FAT3: variants seen among roughly 807,000 people sequenced by gnomAD.
FAT3 encodes the protein FAT atypical cadherin 3, also known as protocadherin Fat 3.
Under a neutral mutation model 310.2 loss-of-function variants are expected in FAT3, and 95 were observed. The observed-to-expected ratio is 0.31, with a 90% CI of 0.26 to 0.36. FAT3 has a LOEUF of 0.36. Among genes scored for constraint, FAT3 ranks in the 10% least tolerant of loss-of-function variants. FAT3 has a pLI of 1.00. For synonymous variants in FAT3, 2,314 were observed against 2,192.9 expected, an observed-to-expected ratio of 1.06 and a Z score of -1.54; for missense variants, 5,408 against 5,715.6, an observed-to-expected ratio of 0.95 and a Z score of 1.74.
chr11:92,716,805 G>A (rs1271483670), intron 4 of FAT3, among the ~76,000 whole-genome samples: 2 of 152,196 alleles, frequency 1.3e-5, no homozygotes, highest in African/African-American at 4.8e-5. Context: ...AAAGGAGGGA[G>A]GTTTCCCTTT....
chr11:92,289,148 G>A (rs1203665174), intron 1 of FAT3, among the ~76,000 whole-genome samples: 1 of 152,098 alleles, frequency 6.6e-6, no homozygotes, highest in Non-Finnish European at 1.5e-5. Context: ...CAGGTGTTCT[G>A]TAAGTTATCT....
rs2135906968 is a variant in FAT3 at position 92,697,412 on chromosome 11, G to T, written c.3636G>T (p.Leu1212Phe). ...TGLITTTSRK[L>F]DREQQAEHFL... Reference sequence around the variant, plus strand: ...TGATTACAACAACTTCAAGGAAATTGGATCGAGAACAGCAGGCAGAACATT... The same window carrying T: ...TGATTACAACAACTTCAAGGAAATTTGATCGAGAACAGCAGGCAGAACATT... Residue 1212 changes from leucine (L) to phenylalanine (F), a missense_variant, in exon 4 of 28, where the codon TTG becomes TTT. This residue lies in a region of FAT3 where 4,588 missense variants were observed against 4,809.8 expected (regional missense o/e 0.95). Transcript: ENST00000525166. 6.2e-7 allele frequency: 1 copy of T among 1,613,852 alleles called. No homozygotes were observed. The highest frequency in any genetic ancestry group is 8.5e-7 in the Non-Finnish European group (1 of 1,179,828).
chr11:92,386,119 G>A (rs538429446), intron 2 of FAT3, among the ~76,000 whole-genome samples: 8 of 152,166 alleles, frequency 5.3e-5, no homozygotes, highest in Non-Finnish European at 8.8e-5. Context: ...AGCCTATGCT[G>A]GAAAGAAAGA....
intron 19 of FAT3, among the ~76,000 whole-genome samples, chr11:92,849,272 G>A (rs1414530954): frequency 1.3e-5 from 2 of 152,164 alleles, no homozygotes; most frequent in Admixed American, 6.5e-5. Flanking sequence ...AAGAAACTCA[G>A]AAGTTTCCTA....
At chr11:92,419,095 T>G (rs1464053294) in intron 2 of FAT3, among the ~76,000 whole-genome samples, 1 of 152,178 alleles carries the variant, frequency 6.6e-6, no homozygotes, top group Non-Finnish European at 1.5e-5. Context: ...TGAAAGCTCT[T>G]GGGCACAGGC....
chr11:92,506,620 G>T (rs1323316107), intron 2 of FAT3, among the ~76,000 whole-genome samples: 1 of 152,016 alleles, frequency 6.6e-6, no homozygotes, highest in Non-Finnish European at 1.5e-5. Flanking sequence ...CACTATTATT[G>T]CCTTTTTCCA....
At chr11:92,386,376 C>T (rs1364606764) in intron 2 of FAT3, among the ~76,000 whole-genome samples, 1 of 152,152 alleles carries the variant, frequency 6.6e-6, no homozygotes, top group Non-Finnish European at 1.5e-5. Context: ...ATATACAAGA[C>T]TTCAAACATA....
At chr11:92,815,397 C>T (rs538352968) in intron 13 of FAT3, among the ~76,000 whole-genome samples, 2 of 151,952 alleles carry the variant, frequency 1.3e-5, no homozygotes, top group African/African-American at 4.8e-5. Context: ...CACAGTGAAA[C>T]CCTGTCTCTA....
intron 3 of FAT3, among the ~76,000 whole-genome samples, chr11:92,614,192 A>G (rs1359066355): frequency 6.6e-6 from 1 of 152,156 alleles, no homozygotes; most frequent in Non-Finnish European, 1.5e-5. Flanking sequence ...GCTATGATAA[A>G]TAATACTGCT....
Position 92,353,157 on chromosome 11 carries a change from G to C in FAT3, c.1045G>C (p.Asp349His). ...YGYNLTLQAK[D>H]KGSPQKCSAL... ...CTACAATCTCACTCTTCAAGCAAAA[G>C]ACAAGGGATCTCCTCAAAAATGTTC... Residue 349 changes from aspartate to histidine, a missense_variant, in exon 2 of 28, where the codon GAC becomes CAC. Asp to His is a moderately conservative substitution (Grantham distance 81, BLOSUM62 -1). This residue lies in a region of FAT3 where 4,588 missense variants were observed against 4,809.8 expected (regional missense o/e 0.95). Transcript: ENST00000525166. The C allele has an allele frequency of 6.2e-7, 1 of 1,613,596 alleles. No homozygotes were observed. Among genetic ancestry groups the C allele is most frequent in the South Asian group, 1.1e-5 (1 of 91,022 alleles).
chr11:92,526,237 T>C (rs1953858393), intron 3 of FAT3, among the ~76,000 whole-genome samples: 1 of 152,206 alleles, frequency 6.6e-6, no homozygotes, highest in Non-Finnish European at 1.5e-5. Flanking sequence ...CCTCCTGATT[T>C]ACTTTTTGGT....
At chr11:92,562,404 G>A (rs760144676) in intron 3 of FAT3, among the ~76,000 whole-genome samples, 1 of 152,004 alleles carries the variant, frequency 6.6e-6, no homozygotes, top group Non-Finnish European at 1.5e-5. Context: ...TTTATTTCAT[G>A]TTCTCCCAGT....
chr11:92,664,060 G>A (rs1022486469), intron 3 of FAT3, among the ~76,000 whole-genome samples: 1 of 152,034 alleles, frequency 6.6e-6, no homozygotes, highest in Non-Finnish European at 1.5e-5. Flanking sequence ...GTGGTCTTGT[G>A]TTTTCCAGGT....
At chr11:92,463,403 G>C (rs901638334) in intron 2 of FAT3, among the ~76,000 whole-genome samples, 5 of 152,156 alleles carry the variant, frequency 3.3e-5, no homozygotes, top group African/African-American at 1.2e-4. Context: ...TCTGCCAGCT[G>C]ACAGCGTCTG....
chr11:92,306,589 TTA>T (rs1289619072), intron 1 of FAT3, among the ~76,000 whole-genome samples: 24 of 127,378 alleles, frequency 1.9e-4, no homozygotes, highest in Admixed American at 1.4e-3. Flanking sequence ...TATATTTATA[TTA>T]TATATATTAT....
At chr11:92,232,945 G>C (rs991149528) in intron 1 of FAT3, among the ~76,000 whole-genome samples, 4 of 152,044 alleles carry the variant, frequency 2.6e-5, no homozygotes, top group Non-Finnish European at 5.9e-5. Flanking sequence ...ATCTCTCTCA[G>C]TTTTTCAGTT....
intron 1 of FAT3, among the ~76,000 whole-genome samples, chr11:92,322,286 C>T (rs563734039): frequency 6.6e-6 from 1 of 152,222 alleles, no homozygotes; most frequent in African/African-American, 2.4e-5. Context: ...AAAAAATATA[C>T]ATACCTTAAT....
chr11:92,446,030 A>G (rs1232463559), intron 2 of FAT3, among the ~76,000 whole-genome samples: 1 of 152,206 alleles, frequency 6.6e-6, no homozygotes, highest in Non-Finnish European at 1.5e-5. Flanking sequence ...ATTTATGAAT[A>G]TATTAATCAG....
rs1863968862 is a variant in FAT3 at position 92,227,455 on chromosome 11, T to A, written c.-18+2281T>A. Among the ~76,000 whole-genome samples the A allele has an allele frequency of 2.6e-5, 4 of 152,160 alleles. No homozygotes were observed. In the South Asian group the frequency reaches 8.3e-4, roughly 32 times the overall value. On this transcript the variant is annotated intron_variant, in intron 1 of 27. Transcript: ENST00000525166. ...CTTTGCCTGGATCCAGGCGGCAAAC[T>A]CAGGTGGTGGAAAGGGGAAGCCCGC...
Sources: gnomAD v4.1 joint callset for allele counts (sites outside exome capture counted in the v4.1 genomes callset) on GRCh38, gnomAD v4.1.1 for gene constraint, gnomAD v4.1.1 regional missense constraint, MANE v1.5 for transcripts, NCBI Gene and HGNC (gene_info 2026-07-23, HGNC 2026-07-21) for gene names.